C8A: variants seen among roughly 807,000 people sequenced by gnomAD.
The protein encoded by C8A is complement component C8 alpha chain.
Under a neutral mutation model 65.3 loss-of-function variants are expected in C8A, and 67 were observed. The ratio of observed to expected loss-of-function variants is 1.03; its 90% CI spans 0.84 to 1.26. The LOEUF (loss-of-function observed/expected upper bound fraction) is 1.26, where lower values mean the gene tolerates loss of function less well. Among genes scored for constraint, C8A ranks in the 50% most tolerant of loss-of-function variants. The probability of loss-of-function intolerance (pLI) is 0.00; values close to 1 mark genes in which losing one functional copy is unlikely to be tolerated. For missense variants in C8A, 781 were observed against 723.9 expected (o/e 1.08, Z -0.90); for synonymous variants, 290 against 259.4 (o/e 1.12, Z -1.13).
chr1:56,875,594 G>A (rs1310619752), intron 3 of C8A, among the ~76,000 whole-genome samples: 1 of 152,102 alleles, frequency 6.6e-6, no homozygotes, highest in African/African-American at 2.4e-5. Context: ...AGAGACTTGG[G>A]AAACAAAATG....
chr1:56,906,377 A>T (rs1171765960), intron 7 of C8A, among the ~76,000 whole-genome samples: 1 of 152,176 alleles, frequency 6.6e-6, no homozygotes, highest in East Asian at 1.9e-4. Context: ...CAGAAGGATG[A>T]GATAGAATTA....
Position 56,907,869 on chromosome 1 carries a change from T to C in C8A, c.1223-87T>C, listed in dbSNP as rs897459357. The C allele has an allele frequency of 8.8e-6, 13 of 1,473,032 alleles. No individual in the cohort carries two copies. The African/African-American group carries it at 9.7e-5, about 11-fold the overall frequency. 91.2% of individuals were successfully genotyped at this position (1,473,032 alleles called of 1,614,324 possible). ...ACATCTAAGGAAAACATGTAAACTT[T>C]CTTCCAAATCTCATTAGTGGGGTTT... On this transcript the variant is annotated intron_variant, in intron 8 of 10. Transcript: ENST00000361249.
chr1:56,909,402 A>G (rs1170319369), intron 9 of C8A, among the ~76,000 whole-genome samples: 1 of 152,240 alleles, frequency 6.6e-6, no homozygotes. Context: ...AACAGGTCAG[A>G]TGGATCAACC....
intron 1 of C8A, among the ~76,000 whole-genome samples, chr1:56,856,627 ATAT>A (rs758097882): frequency 1.1e-3 from 172 of 152,252 alleles, no homozygotes; most frequent in Non-Finnish European, 2.0e-3. Context: ...CATTGAAAAC[ATAT>A]TATATAGTTT....
At chr1:56,870,347 A>T (rs925831633) in intron 2 of C8A, among the ~76,000 whole-genome samples, 7 of 152,014 alleles carry the variant, frequency 4.6e-5, no homozygotes, top group African/African-American at 1.7e-4. Context: ...GCAACCTAAT[A>T]TTTGCCTCTT....
chr1:56,914,244 T>C (rs1160888054), intron 10 of C8A, among the ~76,000 whole-genome samples: 1 of 151,894 alleles, frequency 6.6e-6, no homozygotes, highest in African/African-American at 2.4e-5. Context: ...AGCAAAGGGA[T>C]TAGGGCTTAA....
chr1:56,884,348 AAC>A (rs1644273038), intron 6 of C8A, among the ~76,000 whole-genome samples: 1 of 152,092 alleles, frequency 6.6e-6, no homozygotes, highest in Non-Finnish European at 1.5e-5. Context: ...GGGAAAGGAA[AAC>A]AGAGAGTGAT....
Position 56,906,805 on chromosome 1 carries a change from T to C in C8A, c.1222+13T>C, listed in dbSNP as rs1644470070. The C allele has an allele frequency of 1.2e-6, 2 of 1,613,894 alleles. No homozygotes were observed. The highest frequency in any genetic ancestry group is 1.3e-5 in the African/African-American group (1 of 74,914). On this transcript the variant is annotated intron_variant, in intron 8 of 10. Coordinates refer to ENST00000361249, the MANE Select transcript of C8A (RefSeq NM_000562.3). ...GGTGGCAAAACTGGCAAGTGTTTAG[T>C]AATAGATCTCCCAAAAAGAGAAGCC... is the stretch of plus-strand genomic sequence containing the variant.
chr1:56,896,211 T>A (rs1644385749), intron 7 of C8A, among the ~76,000 whole-genome samples: 1 of 152,138 alleles, frequency 6.6e-6, no homozygotes, highest in Admixed American at 6.6e-5. Context: ...CTATTATTTA[T>A]CTTTATATAA....
At chr1:56,860,159 G>A (rs980744390) in intron 1 of C8A, among the ~76,000 whole-genome samples, 1 of 152,194 alleles carries the variant, frequency 6.6e-6, no homozygotes, top group Admixed American at 6.5e-5. Flanking sequence ...AAGACAGGCT[G>A]ATTGAGGGAA....
At chr1:56,880,616 G>C (rs772549386) in intron 4 of C8A, among the ~76,000 whole-genome samples, 7 of 152,070 alleles carry the variant, frequency 4.6e-5, no homozygotes, top group Non-Finnish European at 8.8e-5. Context: ...GCCTTTCTGA[G>C]GATTAGAGTC....
chr1:56,861,969 A>G (rs1444040878), intron 1 of C8A, among the ~76,000 whole-genome samples: 2 of 152,182 alleles, frequency 1.3e-5, no homozygotes, highest in East Asian at 1.9e-4. Context: ...TGACTTGCGC[A>G]TTGCTTATTC....
intron 7 of C8A, among the ~76,000 whole-genome samples, chr1:56,890,820 A>T (rs968904543): frequency 6.6e-6 from 1 of 151,986 alleles, no homozygotes; most frequent in African/African-American, 2.4e-5. Context: ...TTTCAGAGAG[A>T]CCTTTCCTGA....
At chr1:56,895,600 A>G (rs926187540) in intron 7 of C8A, among the ~76,000 whole-genome samples, 1 of 152,214 alleles carries the variant, frequency 6.6e-6, no homozygotes, top group Non-Finnish European at 1.5e-5. Flanking sequence ...AAAATGTAAT[A>G]GAACACAAAG....
At chr1:56,876,555 C>T (rs1337052172) in intron 4 of C8A, among the ~76,000 whole-genome samples, 1 of 151,978 alleles carries the variant, frequency 6.6e-6, no homozygotes, top group South Asian at 2.1e-4. Flanking sequence ...TGATCTAAGC[C>T]GTTGCCTTTC....
chr1:56,894,110 G>T (rs1361250875), intron 7 of C8A, among the ~76,000 whole-genome samples: 4 of 152,098 alleles, frequency 2.6e-5, no homozygotes, highest in African/African-American at 4.8e-5. Flanking sequence ...ATCAACTCTG[G>T]AATGTTAACT....
intron 7 of C8A, among the ~76,000 whole-genome samples, chr1:56,902,633 T>TTAC (rs1644435151): frequency 1.3e-5 from 2 of 152,218 alleles, no homozygotes; most frequent in African/African-American, 4.8e-5. Flanking sequence ...GGTCATTGAT[T>TTAC]AGTAATTCTA....
chr1:56,857,388 A>G (rs936042099), intron 1 of C8A, among the ~76,000 whole-genome samples: 1 of 151,844 alleles, frequency 6.6e-6, no homozygotes, highest in Non-Finnish European at 1.5e-5. Context: ...AAAGGCTTCC[A>G]TTATCCCTGG....
chr1:56,914,566 G>A (rs1323497819), intron 10 of C8A, among the ~76,000 whole-genome samples: 1 of 152,192 alleles, frequency 6.6e-6, no homozygotes, highest in African/African-American at 2.4e-5. Context: ...CTGGTTTTAA[G>A]ATCAGATGAT....
Sources: allele counts gnomAD v4.1 joint callset (sites outside exome capture counted in the v4.1 genomes callset), GRCh38; gene constraint gnomAD v4.1.1; transcripts MANE v1.5; gene names NCBI Gene and HGNC (gene_info 2026-07-23, HGNC 2026-07-21).